The following CSMD1 variants were observed in gnomAD, a reference collection of about 807,000 sequenced individuals.
CSMD1 encodes the protein CUB and Sushi multiple domains 1, also known as CUB and sushi domain-containing protein 1.
CSMD1 carries 213 observed loss-of-function variants against 417.5 expected under a neutral mutation model. The observed-to-expected ratio is 0.51, with a 90% CI of 0.46 to 0.57. The LOEUF (loss-of-function observed/expected upper bound fraction) is 0.57. Among genes scored for constraint, CSMD1 ranks in the 20% least tolerant of loss-of-function variants. The probability of loss-of-function intolerance (pLI) is 0.00; values close to 1 mark genes in which losing one functional copy is unlikely to be tolerated. For synonymous variants in CSMD1, 2,862 were observed against 1,736.8 expected (o/e 1.65, Z -16.11); for missense variants, 6,923 against 4,529.7 (o/e 1.53, Z -15.17).
intron 2 of CSMD1, among the ~76,000 whole-genome samples, chr8:4,554,336 C>A (rs904705586): frequency 1.3e-5 from 2 of 152,082 alleles, no homozygotes; most frequent in Non-Finnish European, 2.9e-5. Context: ...AGGGTTTCAC[C>A]ATGTTGCCCA....
chr8:4,960,207 T>C (rs191099343), intron 1 of CSMD1, among the ~76,000 whole-genome samples: 45 of 152,290 alleles, frequency 3.0e-4, no homozygotes, highest in Admixed American at 7.2e-4. Context: ...GAAATCTTGA[T>C]CTAGGACACT....
intron 3 of CSMD1, among the ~76,000 whole-genome samples, chr8:4,324,097 C>T (rs1799419582): frequency 6.6e-6 from 1 of 152,174 alleles, no homozygotes; most frequent in Non-Finnish European, 1.5e-5. Context: ...TTTACCTTCC[C>T]AATGACATCA....
intron 26 of CSMD1, among the ~76,000 whole-genome samples, chr8:3,269,960 G>A (rs1036752819): frequency 6.6e-6 from 1 of 151,706 alleles, no homozygotes. Context: ...GCAAAGTTTA[G>A]GTCACAACCC....
intron 1 of CSMD1, among the ~76,000 whole-genome samples, chr8:4,913,503 T>C (rs1250801631): frequency 1.3e-5 from 2 of 152,064 alleles, no homozygotes; most frequent in Non-Finnish European, 2.9e-5. Flanking sequence ...ACTACCCCCA[T>C]ATGTCTTATT....
At chr8:3,768,139 G>A (rs987033649) in intron 5 of CSMD1, among the ~76,000 whole-genome samples, 2 of 150,720 alleles carry the variant, frequency 1.3e-5, no homozygotes, top group South Asian at 2.1e-4. Context: ...TAGCAGAGAG[G>A]GGGTGGACAG....
chr8:4,318,355 A>T (rs1799058794), intron 3 of CSMD1, among the ~76,000 whole-genome samples: 1 of 152,104 alleles, frequency 6.6e-6, no homozygotes, highest in Non-Finnish European at 1.5e-5. Flanking sequence ...CTCTCTTTTT[A>T]TGCACACATG....
intron 3 of CSMD1, among the ~76,000 whole-genome samples, chr8:4,188,524 T>C (rs1563244962): frequency 6.6e-6 from 1 of 152,074 alleles, no homozygotes; most frequent in Admixed American, 6.6e-5. Context: ...GCAAATAGTT[T>C]ATTTGAGGCT....
At chr8:4,655,706 G>C (rs1396162508) in intron 1 of CSMD1, among the ~76,000 whole-genome samples, 1 of 152,112 alleles carries the variant, frequency 6.6e-6, no homozygotes, top group African/African-American at 2.4e-5. Context: ...ACGAAGAGGT[G>C]TTAACCAGAA....
intron 2 of CSMD1, among the ~76,000 whole-genome samples, chr8:4,570,801 T>C (rs1396793502): frequency 6.6e-6 from 1 of 152,194 alleles, no homozygotes; most frequent in East Asian, 1.9e-4. Context: ...AGGCTATTAA[T>C]CACTGTGTCA....
At chr8:3,946,288 C>A (rs780050462) in intron 5 of CSMD1, among the ~76,000 whole-genome samples, 12 of 152,130 alleles carry the variant, frequency 7.9e-5, no homozygotes, top group Non-Finnish European at 1.6e-4. Flanking sequence ...CTAGTCTCAT[C>A]TCCTCAGTGG....
Position 3,262,185 on chromosome 8 carries a change from ATATATATATATATATATAT to A in CSMD1, c.4153+21940_4153+21958del, listed in dbSNP as rs1164364559. Among the ~76,000 whole-genome samples, 5 of 46,318 alleles carry A rather than the reference ATATATATATATATATATAT, an allele frequency of 1.1e-4. 1 individual carries two copies. The highest frequency in any genetic ancestry group is 5.3e-4 in the African/African-American group (5 of 9,504). The allele number at this position is 46,318 out of a possible 152,430, so 30.4% of individuals were successfully genotyped here. ...TATTTCTAAAATTATGCTCATATGAATATATATATATATATATATATATATATATATATATATATATATA... is the reference window on the plus strand; with the variant it reads ...TATTTCTAAAATTATGCTCATATGAAATATATATATATATATATATATATA... On this transcript the variant is annotated intron_variant, in intron 26 of 69. Transcript: ENST00000635120.
At chr8:3,743,398 G>A (rs528150788) in intron 6 of CSMD1, among the ~76,000 whole-genome samples, 2 of 152,296 alleles carry the variant, frequency 1.3e-5, no homozygotes, top group African/African-American at 4.8e-5. Flanking sequence ...TGCATTGCGT[G>A]GAATAGTGTG....
chr8:4,264,113 G>C (rs1804076603), intron 3 of CSMD1, among the ~76,000 whole-genome samples: 1 of 152,162 alleles, frequency 6.6e-6, no homozygotes, highest in Admixed American at 6.5e-5. Flanking sequence ...AATAAATGGA[G>C]TGACATTTGT....
chr8:4,369,472 T>A (rs1341012103), intron 3 of CSMD1, among the ~76,000 whole-genome samples: 1 of 152,138 alleles, frequency 6.6e-6, no homozygotes, highest in African/African-American at 2.4e-5. Flanking sequence ...TAGTCAAGTG[T>A]CAAGGTTAAG....
chr8:3,808,711 C>T (rs190411280), intron 5 of CSMD1, among the ~76,000 whole-genome samples: 5 of 152,276 alleles, frequency 3.3e-5, no homozygotes, highest in South Asian at 2.1e-4. Context: ...TTCCCACTTG[C>T]GTAAACTTTC....
intron 68 of CSMD1, among the ~76,000 whole-genome samples, chr8:2,945,168 C>T (rs181662293): frequency 2.9e-4 from 44 of 152,300 alleles, no homozygotes; most frequent in African/African-American, 1.1e-3. Flanking sequence ...ATTCCTTGCC[C>T]TACAAGGTAG....
intron 2 of CSMD1, among the ~76,000 whole-genome samples, chr8:4,579,453 G>A (rs367690942): frequency 1.3e-5 from 2 of 151,870 alleles, no homozygotes; most frequent in African/African-American, 2.4e-5. Flanking sequence ...CCGCCTCCCA[G>A]GTTCAAGTAA....
intron 4 of CSMD1, among the ~76,000 whole-genome samples, chr8:4,005,105 G>T (rs375775428): frequency 6.6e-6 from 1 of 152,110 alleles, no homozygotes; most frequent in Non-Finnish European, 1.5e-5. Context: ...CAAAGGAATA[G>T]GAATGATATA....
At chr8:4,371,275 G>A (rs1399650578) in intron 3 of CSMD1, among the ~76,000 whole-genome samples, 2 of 152,112 alleles carry the variant, frequency 1.3e-5, no homozygotes, top group South Asian at 4.1e-4. Context: ...GTCCCTTGAG[G>A]ATGCGCCTCT....
Sources: gnomAD v4.1 joint callset for allele counts (sites outside exome capture counted in the v4.1 genomes callset) on GRCh38, gnomAD v4.1.1 for gene constraint, MANE v1.5 for transcripts, NCBI Gene and HGNC (gene_info 2026-07-23, HGNC 2026-07-21) for gene names.